Variants in FAM161B observed in about 807,000 individuals in gnomAD.
The protein encoded by FAM161B is FAM161 centrosomal protein B, also known as protein FAM161B.
A neutral mutation model predicts 61.5 loss-of-function variants in FAM161B; 46 were observed. The observed-to-expected ratio is 0.75, with a 90% CI of 0.59 to 0.96. The LOEUF (loss-of-function observed/expected upper bound fraction) is 0.96. Among genes scored for constraint, FAM161B ranks in the 40% least tolerant of loss-of-function variants. The pLI is 0.00. For synonymous variants in FAM161B, 284 were observed against 302.7 expected (o/e 0.94, Z 0.64); for missense variants, 774 against 800.7 (o/e 0.97, Z 0.40).
chr14:73,945,852 A>C (rs1355591721), intron 2 of FAM161B, among the ~76,000 whole-genome samples: 2 of 150,844 alleles, frequency 1.3e-5, no homozygotes, highest in African/African-American at 4.9e-5. Flanking sequence ...AGGGATTCTC[A>C]TGCGTCAGCC....
chr14:73,941,087 G>A, intron 4 of FAM161B, 34 bp from the exon 5 acceptor site: 1 of 1,462,356 alleles, frequency 6.8e-7, no homozygotes. Context: ...TGGTGGGACA[G>A]CATGTGTGAT....
At chr14:73,926,444 T>C in the FAM161B span, among the ~76,000 whole-genome samples, 3 of 152,148 alleles carry the variant, frequency 2.0e-5, no homozygotes, top group African/African-American at 2.4e-5. Flanking sequence ...GTTTTTGTTT[T>C]TGTTTTGAGA....
Position 73,942,592 on chromosome 14 carries a change from G to A in FAM161B, c.1049C>T (p.Thr350Ile), listed in dbSNP as rs1487719018. The A allele has an allele frequency of 1.2e-6, 2 of 1,614,220 alleles. No individual in the cohort carries two copies. Among genetic ancestry groups the A allele is most frequent in the East Asian group, 2.2e-5 (1 of 44,888 alleles). The change falls in exon 4 of 9, where the codon ACC becomes ATC. Residue 350 changes from threonine (T) to isoleucine (I), a missense_variant. Physicochemically the swap from Thr to Ile is moderately conservative, Grantham distance 89. Transcript: ENST00000286544. ...ANPQPRTATR[T>I]QQEKLGFLHT... ...CAGAAACCCAAGCTTTTCCTGCTGG[G>A]TTCGGGTGGCTGTGCGGGGCTGTGG...
At position 73,949,982 on chromosome 14, in the gene FAM161B, C is replaced by T; in HGVS notation, c.45G>A (p.Gly15=). 6.2e-7 allele frequency: 1 copy of T among 1,613,528 alleles called. No individual in the cohort carries two copies. ...RPEGAPGGAE[G]SRQIFPPESF... ...TCTTTTCTCTCCTCACCTGACGGCT[C>T]CCCTCCGCGCCTCCGGGGGCTCCCT... Residue 15 remains glycine (G), a synonymous_variant, in exon 1 of 9, where the codon GGG becomes GGA. Transcript: ENST00000286544.
In FAM161B at chr14:73,933,656, A is replaced by C. The variant is rs967339849; in HGVS notation, c.*600T>G. Reference sequence around the variant, plus strand: ...CTGTCTACACCCACTCCATGGACGCATTTATGTTTCTGCACTAGCCCCTTA... The same window carrying C: ...CTGTCTACACCCACTCCATGGACGCCTTTATGTTTCTGCACTAGCCCCTTA... On this transcript the variant is annotated 3_prime_UTR_variant, in exon 9 of 9. Coordinates refer to ENST00000286544, the MANE Select transcript of FAM161B (RefSeq NM_152445.3). 1 of 152,242 alleles carries C rather than the reference A, an allele frequency of 6.6e-6. No homozygotes were observed. Among genetic ancestry groups the C allele is most frequent in the Non-Finnish European group, 1.5e-5 (1 of 68,122 alleles). The allele number at this position is 152,242 out of a possible 1,614,324, so 9.4% of individuals were successfully genotyped here.
chr14:73,935,390 T>C (rs1012433566), intron 8 of FAM161B, among the ~76,000 whole-genome samples: 16 of 151,762 alleles, frequency 1.1e-4, no homozygotes, highest in Admixed American at 3.3e-4. Context: ...TAGCCAGGCG[T>C]GATGGCGGGA....
chr14:73,949,932 C>T (rs1160932128), intron 1 of FAM161B, 41 bp downstream of exon 1: 8 of 1,610,452 alleles, frequency 5.0e-6, no homozygotes, highest in Non-Finnish European at 6.8e-6. Context: ...GTTTCCTCTC[C>T]GGGATTCCTT....
chr14:73,932,012 T>C (rs556191988), downstream of FAM161B: 144 of 456,364 alleles, frequency 3.2e-4, no homozygotes, highest in Non-Finnish European at 6.0e-4. Flanking sequence ...TGATGTCAAT[T>C]CTCTTGTTAC....
At chr14:73,941,855 G>A (rs537368491) in intron 4 of FAM161B, among the ~76,000 whole-genome samples, 2 of 152,214 alleles carry the variant, frequency 1.3e-5, no homozygotes, top group East Asian at 1.9e-4. Flanking sequence ...ACAGGTGCCC[G>A]CCACCGCACC....
intron 5 of FAM161B, 150 bp downstream of exon 5, chr14:73,940,776 A>C: frequency 1.8e-6 from 2 of 1,088,986 alleles, no homozygotes; most frequent in South Asian, 1.7e-5. Context: ...CCAGGTGTGG[A>C]GAACCGCAAT....
rs371748072 is a variant in FAM161B at position 73,944,714 on chromosome 14, G to T, written c.546C>A (p.Ala182=). The T allele has an allele frequency of 3.1e-5, 50 of 1,604,696 alleles. No individual in the cohort carries two copies. Among genetic ancestry groups the T allele is most frequent in the East Asian group, 9.0e-5 (4 of 44,630 alleles). The change falls in exon 3 of 9, where the codon GCC becomes GCA. Residue 182 remains alanine, a synonymous_variant. Coordinates refer to ENST00000286544, the MANE Select transcript of FAM161B (RefSeq NM_152445.3). ...PRPFRMTLRE[A]RKKAEWLGSP... is the part of the protein sequence containing the mutation. ...AGCCCAGCCACTCGGCCTTCTTCCGGGCCTCGCGCAGCGTCATGCGGAATG... is the reference window on the plus strand; with the variant it reads ...AGCCCAGCCACTCGGCCTTCTTCCGTGCCTCGCGCAGCGTCATGCGGAATG...
downstream of FAM161B, among the ~76,000 whole-genome samples, chr14:73,931,085 A>C (rs1373483921): frequency 6.6e-6 from 1 of 152,186 alleles, no homozygotes; most frequent in Admixed American, 6.5e-5. Flanking sequence ...GCTCTCATAT[A>C]GTACTTATAA....
intron 5 of FAM161B, among the ~76,000 whole-genome samples, chr14:73,939,825 A>G (rs2056002370): frequency 6.6e-6 from 1 of 152,230 alleles, no homozygotes; most frequent in South Asian, 2.1e-4. Context: ...TCAAATGGAC[A>G]TACTGGGAAG....
intron 2 of FAM161B, among the ~76,000 whole-genome samples, chr14:73,945,522 C>T (rs780243519): frequency 6.6e-6 from 1 of 152,056 alleles, no homozygotes; most frequent in Non-Finnish European, 1.5e-5. Context: ...CCTCCACCTC[C>T]CAGATTCAAG....
chr14:73,931,934 G>A, downstream of FAM161B: 1 of 457,160 alleles, frequency 2.2e-6, no homozygotes, highest in South Asian at 1.6e-5. Flanking sequence ...AATAATTCCT[G>A]CTACCAACAA....
downstream of FAM161B, among the ~76,000 whole-genome samples, chr14:73,931,145 A>G (rs111951979): frequency 3.9e-5 from 6 of 152,100 alleles, no homozygotes; most frequent in African/African-American, 9.7e-5. Flanking sequence ...CCTTCAGCCT[A>G]TCCTTTGGCT....
At position 73,938,100 on chromosome 14, in the gene FAM161B, T is replaced by C; in HGVS notation, c.1413A>G (p.Glu471=). ...TACTCTCATCTGCTTTGTTCTTTTT[T>C]TCAAGTGCACTTCTAAAGGAAGGAG... ...KRESAVRSAL[E]KKNKADESIQ... is the part of the protein sequence containing the mutation. Residue 471 remains glutamate, a synonymous_variant, in exon 6 of 9, where the codon GAA becomes GAG. Coordinates refer to ENST00000286544, the MANE Select transcript of FAM161B (RefSeq NM_152445.3). 1 of 1,614,118 alleles carries C rather than the reference T, an allele frequency of 6.2e-7. No individual in the cohort carries two copies.
intron 8 of FAM161B, 114 bp downstream of exon 8, chr14:73,935,835 A>T: frequency 8.3e-7 from 1 of 1,199,234 alleles, no homozygotes. Flanking sequence ...ATGTTACATA[A>T]ATACAGGATT....
intron 2 of FAM161B, among the ~76,000 whole-genome samples, chr14:73,945,683 C>T (rs2056060325): frequency 6.6e-6 from 1 of 151,902 alleles, no homozygotes; most frequent in Non-Finnish European, 1.5e-5. Context: ...GCCACCTCGG[C>T]TTCCCAAAGT....
Sources: gnomAD v4.1 joint callset for allele counts (sites outside exome capture counted in the v4.1 genomes callset) on GRCh38, gnomAD v4.1.1 for gene constraint, MANE v1.5 for transcripts, NCBI Gene and HGNC (gene_info 2026-07-23, HGNC 2026-07-21) for gene names.